USF3: variants seen among roughly 807,000 people sequenced by gnomAD.
USF3 encodes the protein upstream transcription factor family member 3.
In USF3, 29 loss-of-function variants were observed where a neutral mutation model predicts 157.5. The observed-to-expected ratio is 0.18, with a 90% CI of 0.14 to 0.25. The LOEUF (loss-of-function observed/expected upper bound fraction) is 0.25, where lower values mean the gene tolerates loss of function less well. USF3 is among the 10% of genes least tolerant of loss of function. The probability of loss-of-function intolerance (pLI) is 1.00; values close to 1 mark genes in which losing one functional copy is unlikely to be tolerated. For missense variants in USF3, 2,381 were observed against 2,667.6 expected, an observed-to-expected ratio of 0.89 and a Z score of 2.37; for synonymous variants, 893 against 941.4, an observed-to-expected ratio of 0.95 and a Z score of 0.94.
Position 113,658,939 on chromosome 3 carries a change from T to G in USF3, c.2743A>C (p.Asn915His). Residue 915 changes from asparagine to histidine, a missense_variant, in exon 7 of 7, where the codon AAT becomes CAT. Asn to His is a moderately conservative substitution (Grantham distance 68). Coordinates refer to ENST00000316407, the MANE Select transcript of USF3 (RefSeq NM_001009899.4). ...TCCTGAGATGTCTCTTGTTGTAGAT[T>G]AGGGGTAGAATCTTTGGATTTTGCT... The part of the protein sequence containing the change: ...AAAKSKDSTP[N>H]LQQETSQDKP... The G allele has an allele frequency of 6.2e-7, 1 of 1,614,138 alleles. No homozygotes were observed. The highest frequency in any genetic ancestry group is 8.5e-7 in the Non-Finnish European group (1 of 1,180,018).
chr3:113,655,011 T>G lies in USF3; in HGVS notation c.6671A>C (p.Gln2224Pro), dbSNP rs1045178165. ...GTTATGGGCAGGTCTGTTTGAGGAC[T>G]GCTTGGAAGAGTCAGAGGCAGAGGA... ...ANSSASDSSK[Q>P]SSNRPAHNIS... The change falls in exon 7 of 7, where the codon CAG (glutamine) becomes CCG (proline). Residue 2224 changes from glutamine to proline, a missense_variant. By Grantham distance (76) the Gln-to-Pro change is moderately conservative. Coordinates refer to ENST00000316407, the MANE Select transcript of USF3 (RefSeq NM_001009899.4). The G allele has an allele frequency of 2.5e-6, 4 of 1,614,072 alleles. No homozygotes were observed. In the African/African-American group the frequency reaches 5.3e-5, roughly 22 times the overall value.
At chr3:113,691,327 C>T (rs1357816983) in intron 1 of USF3, among the ~76,000 whole-genome samples, 1 of 152,218 alleles carries the variant, frequency 6.6e-6, no homozygotes, top group Non-Finnish European at 1.5e-5. Context: ...GTTGTTTACA[C>T]TTACTACCCC....
chr3:113,660,395 T>C lies in USF3; in HGVS notation c.1287A>G (p.Thr429=). 1.9e-6 allele frequency: 3 copies of C among 1,614,182 alleles called. No individual in the cohort carries two copies. Among genetic ancestry groups the C allele is most frequent in the South Asian group, 1.1e-5 (1 of 91,086 alleles). The change falls in exon 7 of 7, where the codon ACA becomes ACG. Residue 429 remains threonine (T), a synonymous_variant. Coordinates refer to ENST00000316407, the MANE Select transcript of USF3 (RefSeq NM_001009899.4). The part of the protein sequence containing the change: ...SLTRISSAGN[T]QTTWTTLQLA... ...GTTGCAAAGTAGTCCACGTTGTCTGTGTGTTTCCAGCTGAAGAGATTCGTG... is the reference window on the plus strand; with the variant it reads ...GTTGCAAAGTAGTCCACGTTGTCTGCGTGTTTCCAGCTGAAGAGATTCGTG...
At chr3:113,675,994 A>G (rs1577044816) in intron 2 of USF3, among the ~76,000 whole-genome samples, 2 of 152,198 alleles carry the variant, frequency 1.3e-5, no homozygotes, top group Non-Finnish European at 2.9e-5. Flanking sequence ...TCTCCATCGG[A>G]GACCACCTCA....
intron 5 of USF3, among the ~76,000 whole-genome samples, chr3:113,665,272 A>G (rs191139978): frequency 1.1e-4 from 16 of 152,318 alleles, no homozygotes; most frequent in Non-Finnish European, 2.2e-4. Context: ...AGTGGAGTAC[A>G]TGTGGGAAGA....
chr3:113,659,938 T>C lies in USF3; in HGVS notation c.1744A>G (p.Ile582Val), dbSNP rs1201865586. 4 of 1,614,078 alleles carry C rather than the reference T, an allele frequency of 2.5e-6. No homozygotes were observed. The highest frequency in any genetic ancestry group is 3.4e-6 in the Non-Finnish European group (4 of 1,180,034). Residue 582 changes from isoleucine to valine, a missense_variant, in exon 7 of 7, where the codon ATC (isoleucine) becomes GTC (valine). Physicochemically the swap from Ile to Val is conservative, Grantham distance 29 (BLOSUM62 3). Coordinates refer to ENST00000316407, the MANE Select transcript of USF3 (RefSeq NM_001009899.4). ...GGATTCTGATTAGCAGCCTGTATGATTACTATCTGTTGACCTACTGTTTGG... is the reference window on the plus strand; with the variant it reads ...GGATTCTGATTAGCAGCCTGTATGACTACTATCTGTTGACCTACTGTTTGG... ...SNQTVGQQIV[I>V]IQAANQNPLP...
At chr3:113,673,262 A>C (rs1707202818) in intron 4 of USF3, 86 bp downstream of exon 4, 1 of 878,522 alleles carries the variant, frequency 1.1e-6, no homozygotes, top group Non-Finnish European at 1.9e-6. Flanking sequence ...TTCCTTGCTT[A>C]TAACATAAAA....
chr3:113,671,359 T>C (rs1210020269), intron 4 of USF3, among the ~76,000 whole-genome samples: 1 of 152,192 alleles, frequency 6.6e-6, no homozygotes, highest in East Asian at 1.9e-4. Flanking sequence ...GAAAGAGTAC[T>C]GGTTTGGTTT....
In USF3 at chr3:113,651,537, T is replaced by C. The variant is rs1415874430; in HGVS notation, c.*3407A>G. 6.6e-6 allele frequency: 1 copy of C among 152,244 alleles called. No individual in the cohort carries two copies. Among genetic ancestry groups the C allele is most frequent in the African/African-American group, 2.4e-5 (1 of 41,460 alleles). The allele number at this position is 152,244 out of a possible 1,614,324, so 9.4% of individuals were successfully genotyped here. On this transcript the variant is annotated 3_prime_UTR_variant, in exon 7 of 7. Coordinates refer to ENST00000316407, the MANE Select transcript of USF3 (RefSeq NM_001009899.4). ...AGGTTACGTTTATTATAACCAAAAT[T>C]GACTATGTTTTCTGCCATCCCTTTA...
At chr3:113,680,051 TTC>T (rs1491231556) in intron 1 of USF3, among the ~76,000 whole-genome samples, 3 of 147,304 alleles carry the variant, frequency 2.0e-5, no homozygotes, top group Non-Finnish European at 4.5e-5. Context: ...GCCTGTAGTT[TTC>T]TTTTTTTTTT....
In USF3 at chr3:113,661,135, C is replaced by T; in HGVS notation, c.547G>A (p.Val183Met). The stretch of plus-strand genomic sequence containing the variant: ...TTGCAAGTCCTCTGTACTGGCACCA[C>T]ATTGGCGGTCTGCTTTTGTAAATTA... ...SHNLQKQTANVVPVQRTCNLV... is the reference protein window; with the variant it reads ...SHNLQKQTANMVPVQRTCNLV... Residue 183 changes from valine to methionine, a missense_variant, in exon 7 of 7, where the codon GTG (valine) becomes ATG (methionine). Around this residue, in one of 6 missense-constraint regions of USF3, gnomAD observed 1,435 missense variants for 1,550.9 expected, o/e 0.93. Coordinates refer to ENST00000316407, the MANE Select transcript of USF3 (RefSeq NM_001009899.4). 6 of 1,614,162 alleles carry T rather than the reference C, an allele frequency of 3.7e-6. No individual in the cohort carries two copies. The highest frequency in any genetic ancestry group is 5.1e-6 in the Non-Finnish European group (6 of 1,179,992).
In USF3 at chr3:113,696,620, G is replaced by A. The variant is rs998914963; in HGVS notation, c.-385C>T. On this transcript the variant is annotated 5_prime_UTR_variant, in exon 1 of 7. Coordinates refer to ENST00000316407, the MANE Select transcript of USF3 (RefSeq NM_001009899.4). Reference sequence around the variant, plus strand: ...GAGCCCTCAAGGCCGGAGACCCGGCGGCAGCGCGGCCTCAACTTTCCCAGC... The same window carrying A: ...GAGCCCTCAAGGCCGGAGACCCGGCAGCAGCGCGGCCTCAACTTTCCCAGC... The A allele has an allele frequency of 2.0e-5, 3 of 150,994 alleles. No homozygotes were observed. The highest frequency in any genetic ancestry group is 2.0e-4 in the East Asian group (1 of 5,064). The allele number at this position is 150,994 out of a possible 1,614,324, so 9.4% of individuals were successfully genotyped here.
intron 1 of USF3, among the ~76,000 whole-genome samples, chr3:113,695,955 G>C (rs1029549618): frequency 6.6e-6 from 1 of 152,252 alleles, no homozygotes; most frequent in Non-Finnish European, 1.5e-5. Flanking sequence ...GAAATTCAGA[G>C]GGCAAGGAAA....
chr3:113,688,779 G>A (rs989663372), intron 1 of USF3, among the ~76,000 whole-genome samples: 12 of 152,274 alleles, frequency 7.9e-5, no homozygotes, highest in African/African-American at 2.6e-4. Context: ...GGTGGCTCAC[G>A]CCTGTAACCC....
At chr3:113,689,713 G>A (rs1707642891) in intron 1 of USF3, among the ~76,000 whole-genome samples, 1 of 152,100 alleles carries the variant, frequency 6.6e-6, no homozygotes, top group South Asian at 2.1e-4. Context: ...CCTTCTGGCT[G>A]CTCCAGCCAA....
At chr3:113,665,301 A>C (rs1947546487) in intron 5 of USF3, among the ~76,000 whole-genome samples, 1 of 152,202 alleles carries the variant, frequency 6.6e-6, no homozygotes, top group African/African-American at 2.4e-5. Flanking sequence ...AGGCCAGAGA[A>C]GGCCTTCAAG....
chr3:113,667,971 G>GATT (rs1353858302), intron 5 of USF3, among the ~76,000 whole-genome samples: 1 of 152,134 alleles, frequency 6.6e-6, no homozygotes, highest in Non-Finnish European at 1.5e-5. Flanking sequence ...TTCCAAGGGA[G>GATT]ATAACATAGA....
At chr3:113,689,976 T>C (rs1707648496) in intron 1 of USF3, among the ~76,000 whole-genome samples, 1 of 152,258 alleles carries the variant, frequency 6.6e-6, no homozygotes, top group Non-Finnish European at 1.5e-5. Flanking sequence ...ACTGCTTCTG[T>C]GCAAAAGCTT....
In USF3 at chr3:113,649,131, T is replaced by A. The variant is rs1947216475; in HGVS notation, c.*5813A>T. ...GAGAAGTCTTAGAAAAGTGAAGGGA[T>A]TTAGATACATCTAACTTTAAGTTCC... is the stretch of plus-strand genomic sequence containing the variant. On this transcript the variant is annotated 3_prime_UTR_variant, in exon 7 of 7. Transcript: ENST00000316407. 6.6e-6 allele frequency: 1 copy of A among 152,368 alleles called. No homozygotes were observed. The highest frequency in any genetic ancestry group is 2.1e-4 in the South Asian group (1 of 4,828). The allele number at this position is 152,368 out of a possible 1,614,324, so 9.4% of individuals were successfully genotyped here. A position where few individuals can be genotyped will look rare whatever the true frequency, so the allele number is the denominator to read the frequency against.
Sources: allele counts gnomAD v4.1 joint callset (sites outside exome capture counted in the v4.1 genomes callset), GRCh38; gene constraint gnomAD v4.1.1; regional missense constraint gnomAD v4.1.1; transcripts MANE v1.5; gene names NCBI Gene and HGNC (gene_info 2026-07-23, HGNC 2026-07-21).